The following S1PR3 variants were observed in gnomAD, a reference collection of about 807,000 sequenced individuals.
S1PR3 encodes the protein sphingosine-1-phosphate receptor 3, also known as sphingosine 1-phosphate receptor 3.
Under a neutral mutation model 13.3 loss-of-function variants are expected in S1PR3, and 12 were observed. The observed-to-expected ratio is 0.90, with a 90% CI of 0.58 to 1.46. S1PR3 has a LOEUF of 1.46. Among genes scored for constraint, S1PR3 ranks in the 40% most tolerant of loss-of-function variants. S1PR3 has a pLI of 0.00. For synonymous variants in S1PR3, 232 were observed against 214.0 expected, an observed-to-expected ratio of 1.08 and a Z score of -0.73; for missense variants, 450 against 501.9, an observed-to-expected ratio of 0.90 and a Z score of 0.99.
Position 89,001,437 on chromosome 9 carries a change from CA to C in S1PR3, c.239del (p.Asn80ThrfsTer18). 1 of 1,614,196 alleles carries C rather than the reference CA, an allele frequency of 6.2e-7. No homozygotes were observed. The highest frequency in any genetic ancestry group is 8.5e-7 in the Non-Finnish European group (1 of 1,180,032). ...ACAACCGCATGTACTTTTTCATTGG[CA>C]ACCTGGCTCTCTGCGACCTGCTGGC... ...FHNRMYFFIGNLALCDLLAGI... is the reference protein window; with the variant it reads ...FHNRMYFFIGXLALCDLLAGI... On this transcript the variant is annotated frameshift_variant, in exon 2 of 2. Coordinates refer to ENST00000358157, the MANE Select transcript of S1PR3 (RefSeq NM_005226.4). LOFTEE classifies it high-confidence loss of function.
At chr9:88,992,005 A>G in intron 1 of S1PR3, 1 of 1,614,130 alleles carries the variant, frequency 6.2e-7, no homozygotes, top group Non-Finnish European at 8.5e-7. Flanking sequence ...AGGCTTCCAC[A>G]GTGCCAGGGC....
At position 88,991,899 on chromosome 9, in the gene S1PR3, G is replaced by T. The variant is rs891613356; in HGVS notation, c.-148+204G>T. 6.2e-7 allele frequency: 1 copy of T among 1,614,204 alleles called. No homozygotes were observed. The highest frequency in any genetic ancestry group is 1.6e-4 in the Middle Eastern group (1 of 6,062). ...AGGCCTTTTCCACCGCACCCGGAGC[G>T]TTTACAACGGGCTGGAGCTGAATAC... On this transcript the variant is annotated intron_variant, in intron 1 of 1. Transcript: ENST00000358157. This position sits in a 1 kb window ranked among gnomAD's most constrained non-coding sequence, Gnocchi z 4.0.
At chr9:88,995,317 A>AT (rs1453710983) in intron 1 of S1PR3, 1 of 166,874 alleles carries the variant, frequency 6.0e-6, no homozygotes, top group Admixed American at 6.6e-5. Context: ...CATTTTCTTT[A>AT]TTTTTTCTCT....
chr9:89,001,223 G>T lies in S1PR3; in HGVS notation c.23G>T (p.Arg8Leu). Reference protein sequence around the residue: MATALPPRLQPVRGNETL... With the variant: MATALPPLLQPVRGNETL... Reference sequence around the variant, plus strand: ...GTGATGGCAACTGCCCTCCCGCCGCGTCTCCAGCCGGTGCGGGGGAACGAG... The same window carrying T: ...GTGATGGCAACTGCCCTCCCGCCGCTTCTCCAGCCGGTGCGGGGGAACGAG... Residue 8 changes from arginine to leucine, a missense_variant, in exon 2 of 2, where the codon CGT (arginine) becomes CTT (leucine). Physicochemically the swap from Arg to Leu is moderately radical, Grantham distance 102. Transcript: ENST00000358157. The T allele has an allele frequency of 6.2e-7, 1 of 1,612,818 alleles. No homozygotes were observed. Among genetic ancestry groups the T allele is most frequent in the Non-Finnish European group, 8.5e-7 (1 of 1,178,978 alleles).
Position 89,001,538 on chromosome 9 carries a change from T to C in S1PR3, c.338T>C (p.Leu113Pro), listed in dbSNP as rs771513659. The C allele has an allele frequency of 6.2e-7, 1 of 1,614,242 alleles. No homozygotes were observed. Among genetic ancestry groups the C allele is most frequent in the Non-Finnish European group, 8.5e-7 (1 of 1,180,046 alleles). Residue 113 changes from leucine to proline, a missense_variant, in exon 2 of 2, where the codon CTC becomes CCC. Coordinates refer to ENST00000358157, the MANE Select transcript of S1PR3 (RefSeq NM_005226.4). ...AGCCTGTCTCCCACGGTCTGGTTCC[T>C]CAGGGAGGGCAGTATGTTCGTGGCC... ...TFSLSPTVWFLREGSMFVALG... is the reference protein window; with the variant it reads ...TFSLSPTVWFPREGSMFVALG...
At position 88,992,071 on chromosome 9, in the gene S1PR3, T is replaced by C. The variant is rs530291037; in HGVS notation, c.-148+376T>C. On this transcript the variant is annotated intron_variant, in intron 1 of 1. Transcript: ENST00000358157. ...GGTCGTTAGCCTGGGAAAATCATTC[T>C]TTTAAACAATATTCGCCGGAAAATT... 498 of 1,565,366 alleles carry C rather than the reference T, an allele frequency of 3.2e-4. 4 individuals are homozygous for C. The South Asian group carries it at 5.4e-3, about 17-fold the overall frequency.
At position 88,991,878 on chromosome 9, in the gene S1PR3, C is replaced by A; in HGVS notation, c.-148+183C>A. The A allele has an allele frequency of 6.2e-7, 1 of 1,614,188 alleles. No individual in the cohort carries two copies. The highest frequency in any genetic ancestry group is 8.5e-7 in the Non-Finnish European group (1 of 1,180,022). On this transcript the variant is annotated intron_variant, in intron 1 of 1. Transcript: ENST00000358157. This position sits in a 1 kb window ranked among gnomAD's most constrained non-coding sequence, Gnocchi z 4.0. ...GCCGCTGCAGGAACAGGGAGGAGGC[C>A]TTTTCCACCGCACCCGGAGCGTTTA...
chr9:88,992,205 G>A (rs1440046954), intron 1 of S1PR3: 2 of 629,250 alleles, frequency 3.2e-6, no homozygotes, highest in South Asian at 2.0e-5. Flanking sequence ...AAATCAGTAC[G>A]TTGTGTTCGT....
rs1825883335 is a variant in S1PR3 at position 89,002,451 on chromosome 9, C to T, written c.*114C>T. ...AGAGCTACCTTACTTTGACCAACAG[C>T]CTGCCCAGTGTGGATGTCTCTTACA... On this transcript the variant is annotated 3_prime_UTR_variant, in exon 2 of 2. Coordinates refer to ENST00000358157, the MANE Select transcript of S1PR3 (RefSeq NM_005226.4). 7.8e-7 allele frequency: 1 copy of T among 1,283,632 alleles called. No homozygotes were observed. 79.5% of individuals were successfully genotyped at this position (1,283,632 alleles called of 1,614,324 possible). A position where few individuals can be genotyped will look rare whatever the true frequency, so the allele number is the denominator to read the frequency against.
Position 89,002,205 on chromosome 9 carries a change from C to G in S1PR3, c.1005C>G (p.Ser335Arg). 6.2e-7 allele frequency: 1 copy of G among 1,614,018 alleles called. No individual in the cohort carries two copies. ...ASPIQPALDP[S>R]RSKSSSSNNS... is the part of the protein sequence containing the mutation. ...CCATCCAGCCTGCGCTCGACCCAAG[C>G]AGAAGTAAATCAAGCAGCAGCAACA... The change falls in exon 2 of 2, where the codon AGC (serine) becomes AGG (arginine). Residue 335 changes from serine (S) to arginine (R), a missense_variant. Ser to Arg is a moderately radical substitution (Grantham distance 110). Transcript: ENST00000358157.
chr9:88,994,425 C>G (rs1032090918), intron 1 of S1PR3: 2 of 166,934 alleles, frequency 1.2e-5, no homozygotes, highest in African/African-American at 4.8e-5. Flanking sequence ...TTTGAATGTG[C>G]CTTTAGCCAC....
intron 1 of S1PR3, chr9:88,994,229 G>A (rs905077536): frequency 6.0e-6 from 1 of 167,158 alleles, no homozygotes; most frequent in African/African-American, 2.4e-5. Flanking sequence ...AAGGACAAGT[G>A]ACACCCCCCC....
chr9:89,001,587 A>G lies in S1PR3; in HGVS notation c.387A>G (p.Leu129=). ...FVALGASTCS[L]LAIAIERHLT... ...CCCTTGGGGCGTCCACCTGCAGCTT[A>G]CTGGCCATCGCCATCGAGCGGCACT... The change falls in exon 2 of 2, where the codon TTA becomes TTG. Residue 129 remains leucine (L), a synonymous_variant. Coordinates refer to ENST00000358157, the MANE Select transcript of S1PR3 (RefSeq NM_005226.4). The G allele has an allele frequency of 2.5e-6, 4 of 1,614,180 alleles. No homozygotes were observed. The highest frequency in any genetic ancestry group is 1.7e-6 in the Non-Finnish European group (2 of 1,180,028).
In S1PR3 at chr9:89,003,166, C is replaced by A. The variant is rs1208104821; in HGVS notation, c.*829C>A. 6.0e-6 allele frequency: 1 copy of A among 167,124 alleles called. No individual in the cohort carries two copies. Among genetic ancestry groups the A allele is most frequent in the East Asian group, 1.9e-4 (1 of 5,186 alleles). The allele number at this position is 167,124 out of a possible 1,614,324, so 10.4% of individuals were successfully genotyped here. A position where few individuals can be genotyped will look rare whatever the true frequency, so the allele number is the denominator to read the frequency against. On this transcript the variant is annotated 3_prime_UTR_variant, in exon 2 of 2. Coordinates refer to ENST00000358157, the MANE Select transcript of S1PR3 (RefSeq NM_005226.4). ...CCCCCAGATGGGCCAAAGAAAGAGC[C>A]TATGAAGGAGAAGCAGAAGCAGACG...
upstream of S1PR3, chr9:88,991,106 G>T (rs1473898465): frequency 6.2e-7 from 1 of 1,613,042 alleles, no homozygotes; most frequent in Non-Finnish European, 8.5e-7. This position sits in a 1 kb window ranked among gnomAD's most constrained non-coding sequence, Gnocchi z 4.0. Context: ...CCCAGACCTC[G>T]GACCTGGTTC....
At chr9:88,998,037 A>G (rs2118596904) in intron 1 of S1PR3, 1 of 152,408 alleles carries the variant, frequency 6.6e-6, no homozygotes, top group South Asian at 2.1e-4. Flanking sequence ...GGTTGTCTTC[A>G]TACCCGGCTT....
rs1476859693 is a variant in S1PR3 at position 89,002,699 on chromosome 9, C to T, written c.*362C>T. The T allele has an allele frequency of 9.8e-6, 3 of 305,550 alleles. No individual in the cohort carries two copies. The highest frequency in any genetic ancestry group is 6.5e-6 in the Non-Finnish European group (1 of 153,404). 18.9% of individuals were successfully genotyped at this position (305,550 alleles called of 1,614,324 possible). A position where few individuals can be genotyped will look rare whatever the true frequency, so the allele number is the denominator to read the frequency against. On this transcript the variant is annotated 3_prime_UTR_variant, in exon 2 of 2. Transcript: ENST00000358157. ...TCTGAATGGTGTTTTGATGATTTTA[C>T]ACTACATTTCCTGTGCGTAGAATGG...
At chr9:88,999,092 GC>G (rs1825839347) in intron 1 of S1PR3, 1 of 152,342 alleles carries the variant, frequency 6.6e-6, no homozygotes, top group Admixed American at 6.5e-5. Context: ...TTAGCAGAGG[GC>G]CTTGGCCAAC....
upstream of S1PR3, chr9:88,991,074 G>A (rs1243470515): frequency 6.2e-7 from 1 of 1,613,498 alleles, no homozygotes; most frequent in Non-Finnish European, 8.5e-7. The surrounding 1 kb of genome is among the most constrained non-coding windows in gnomAD (Gnocchi z 4.0). Flanking sequence ...CTCGCTGTCA[G>A]GGCGACAGGC....
Sources: gnomAD v4.1 joint callset for allele counts on GRCh38, gnomAD v4.1.1 for gene constraint, Gnocchi (gnomAD v3.1) non-coding constraint, MANE v1.5 for transcripts, NCBI Gene and HGNC (gene_info 2026-07-23, HGNC 2026-07-21) for gene names.